Variants in CCSER1 observed in about 807,000 individuals in gnomAD.
The protein encoded by CCSER1 is coiled-coil serine rich protein 1.
CCSER1 carries 41 observed loss-of-function variants against 82.0 expected under a neutral mutation model. That is an observed-to-expected ratio of 0.50 (90% confidence interval 0.39 to 0.65). The LOEUF is 0.65. Among genes scored for constraint, CCSER1 ranks in the 30% least tolerant of loss-of-function variants. The probability of loss-of-function intolerance (pLI) is 0.00; values close to 1 mark genes in which losing one functional copy is unlikely to be tolerated. For synonymous variants in CCSER1, 414 were observed against 383.9 expected, an observed-to-expected ratio of 1.08 and a Z score of -0.92; for missense variants, 1,119 against 1,064.2, an observed-to-expected ratio of 1.05 and a Z score of -0.72.
intron 9 of CCSER1, among the ~76,000 whole-genome samples, chr4:90,966,606 G>A (rs1181952131): frequency 6.6e-6 from 1 of 152,068 alleles, no homozygotes; most frequent in Non-Finnish European, 1.5e-5. Flanking sequence ...AAGTCCTTCA[G>A]ACTGAAAGAG....
At chr4:91,419,023 A>T (rs1168503480) in intron 10 of CCSER1, among the ~76,000 whole-genome samples, 1 of 151,944 alleles carries the variant, frequency 6.6e-6, no homozygotes, top group Non-Finnish European at 1.5e-5. Context: ...ATGCATAAAA[A>T]TTTTTCAACA....
At chr4:90,319,028 T>A (rs765310858) in intron 3 of CCSER1, among the ~76,000 whole-genome samples, 56 of 152,180 alleles carry the variant, frequency 3.7e-4, no homozygotes, top group Non-Finnish European at 6.3e-4. Flanking sequence ...AGAGTTAAAA[T>A]GGGCACATGA....
chr4:91,005,449 A>G (rs377462680), intron 9 of CCSER1, among the ~76,000 whole-genome samples: 8 of 152,078 alleles, frequency 5.3e-5, no homozygotes, highest in South Asian at 4.1e-4. Flanking sequence ...ATTTTTTACA[A>G]TTTCATGAGA....
intron 8 of CCSER1, among the ~76,000 whole-genome samples, chr4:90,876,950 A>G (rs540436666): frequency 1.3e-5 from 2 of 152,044 alleles, no homozygotes; most frequent in Non-Finnish European, 2.9e-5. Context: ...TGTATGACTC[A>G]TCTTTTCTTT....
chr4:90,606,520 C>T (rs1241518576), intron 5 of CCSER1, among the ~76,000 whole-genome samples: 2 of 152,174 alleles, frequency 1.3e-5, no homozygotes, highest in African/African-American at 4.8e-5. Context: ...AATGTCATTA[C>T]ATGGTACAGT....
intron 10 of CCSER1, among the ~76,000 whole-genome samples, chr4:91,463,077 C>T (rs547896162): frequency 6.6e-6 from 1 of 152,248 alleles, no homozygotes; most frequent in East Asian, 1.9e-4. Context: ...GGTCCCTGAC[C>T]CCCTGAGTAG....
intron 5 of CCSER1, among the ~76,000 whole-genome samples, chr4:90,582,191 G>C (rs958339803): frequency 1.3e-5 from 2 of 152,044 alleles, no homozygotes; most frequent in Non-Finnish European, 2.9e-5. Context: ...TAAACTATCT[G>C]ATCAAACTTG....
intron 6 of CCSER1, among the ~76,000 whole-genome samples, chr4:90,687,137 A>G (rs1232648485): frequency 6.6e-6 from 1 of 152,236 alleles, no homozygotes; most frequent in Admixed American, 6.5e-5. Context: ...CAGGTATCTT[A>G]GAACAAGTAT....
intron 10 of CCSER1, among the ~76,000 whole-genome samples, chr4:91,545,409 A>G (rs976753288): frequency 1.3e-5 from 2 of 152,042 alleles, no homozygotes; most frequent in African/African-American, 4.8e-5. Context: ...TGTCGCTTAC[A>G]CTGGGAGCTG....
At chr4:91,509,797 A>G (rs1284796820) in intron 10 of CCSER1, among the ~76,000 whole-genome samples, 2 of 152,204 alleles carry the variant, frequency 1.3e-5, no homozygotes, top group African/African-American at 4.8e-5. Flanking sequence ...CATAATTAAT[A>G]GAATATAGAT....
chr4:90,898,183 T>C (rs1724007477), intron 8 of CCSER1, among the ~76,000 whole-genome samples: 1 of 151,258 alleles, frequency 6.6e-6, no homozygotes, highest in Non-Finnish European at 1.5e-5. Flanking sequence ...AATTATTTAC[T>C]TAGGTGAATA....
intron 5 of CCSER1, among the ~76,000 whole-genome samples, chr4:90,535,535 C>T (rs1165980253): frequency 2.0e-5 from 3 of 152,154 alleles, no homozygotes; most frequent in African/African-American, 7.2e-5. Context: ...TTACACTTAG[C>T]ACAGACAGCC....
At chr4:91,244,328 C>A (rs886232813) in intron 10 of CCSER1, among the ~76,000 whole-genome samples, 4 of 152,168 alleles carry the variant, frequency 2.6e-5, no homozygotes, top group African/African-American at 4.8e-5. Context: ...ATGCTCCAAG[C>A]CTGGGGGAAC....
chr4:91,553,024 T>C (rs569799204), intron 10 of CCSER1, among the ~76,000 whole-genome samples: 1 of 151,626 alleles, frequency 6.6e-6, no homozygotes, highest in African/African-American at 2.4e-5. Flanking sequence ...TTGTATTATA[T>C]ATAAGACAGG....
chr4:91,574,923 A>G (rs147625185), intron 10 of CCSER1, among the ~76,000 whole-genome samples: 242 of 152,186 alleles, frequency 1.6e-3, no homozygotes, highest in African/African-American at 5.7e-3. Context: ...ATCTTGAAAA[A>G]GTAGAGCAAA....
intron 10 of CCSER1, among the ~76,000 whole-genome samples, chr4:91,565,258 T>C (rs1329088249): frequency 6.6e-6 from 1 of 152,108 alleles, no homozygotes; most frequent in Non-Finnish European, 1.5e-5. Flanking sequence ...CACTGGTCTA[T>C]GTGTCTGGTT....
intron 10 of CCSER1, among the ~76,000 whole-genome samples, chr4:91,496,475 G>T (rs912779540): frequency 2.8e-5 from 4 of 144,852 alleles, no homozygotes; most frequent in Non-Finnish European, 4.5e-5. Flanking sequence ...TAAACACTGT[G>T]ATCTACTGTA....
intron 4 of CCSER1, among the ~76,000 whole-genome samples, chr4:90,415,439 T>C (rs1042748675): frequency 4.6e-5 from 7 of 152,174 alleles, no homozygotes; most frequent in Non-Finnish European, 4.4e-5. Flanking sequence ...AATTTCAATA[T>C]GGAAATTAGG....
intron 4 of CCSER1, among the ~76,000 whole-genome samples, chr4:90,429,760 A>G (rs1758020568): frequency 6.6e-6 from 1 of 151,832 alleles, no homozygotes; most frequent in Admixed American, 6.6e-5. Context: ...GTTGATAAAG[A>G]TTATGTGGCT....
Sources: allele counts gnomAD v4.1 joint callset (sites outside exome capture counted in the v4.1 genomes callset), GRCh38; gene constraint gnomAD v4.1.1; transcripts MANE v1.5; gene names NCBI Gene and HGNC (gene_info 2026-07-23, HGNC 2026-07-21).